The following FGF14 variants were observed in gnomAD, a reference collection of about 807,000 sequenced individuals.
FGF14 encodes fibroblast growth factor homologous factor 4.
Under a neutral mutation model 25.5 loss-of-function variants are expected in FGF14, and 5 were observed. That is an observed-to-expected ratio of 0.20 (90% confidence interval 0.10 to 0.41). FGF14 has a LOEUF of 0.41. Among genes scored for constraint, FGF14 ranks in the 10% least tolerant of loss-of-function variants. FGF14 has a pLI of 1.00. For synonymous variants in FGF14, 138 were observed against 118.3 expected, an observed-to-expected ratio of 1.17 and a Z score of -1.08; for missense variants, 222 against 320.1, an observed-to-expected ratio of 0.69 and a Z score of 2.34.
intron 3 of FGF14, among the ~76,000 whole-genome samples, chr13:101,777,396 A>T (rs2039193433): frequency 6.6e-6 from 1 of 152,122 alleles, no homozygotes; most frequent in African/African-American, 2.4e-5. Flanking sequence ...GCCTTTGTTG[A>T]GCAGTCTTGG....
At chr13:102,010,499 G>C (rs1234166877) in intron 1 of FGF14, among the ~76,000 whole-genome samples, 1 of 152,016 alleles carries the variant, frequency 6.6e-6, no homozygotes, top group East Asian at 1.9e-4. Flanking sequence ...AGAAAAAAAA[G>C]AAAGTGTTTA....
At chr13:102,349,514 G>A (rs979169595) in intron 1 of FGF14, among the ~76,000 whole-genome samples, 44 of 152,292 alleles carry the variant, frequency 2.9e-4, no homozygotes, top group African/African-American at 1.0e-3. Flanking sequence ...TGATTTGAAC[G>A]TGTTGAACAA....
intron 1 of FGF14, among the ~76,000 whole-genome samples, chr13:102,338,731 G>A (rs187369548): frequency 1.3e-3 from 195 of 152,146 alleles, no homozygotes; most frequent in Middle Eastern, 3.4e-3. Context: ...AATAAGAAAA[G>A]GGCCAGGTGC....
At chr13:102,354,935 T>A (rs1255110674) in intron 1 of FGF14, among the ~76,000 whole-genome samples, 2 of 152,058 alleles carry the variant, frequency 1.3e-5, no homozygotes, top group Admixed American at 6.6e-5. Flanking sequence ...TTCCTTGACC[T>A]CCCCTCACAT....
intron 1 of FGF14, among the ~76,000 whole-genome samples, chr13:102,006,542 G>T (rs1435513728): frequency 6.6e-6 from 1 of 151,866 alleles, no homozygotes; most frequent in Non-Finnish European, 1.5e-5. Context: ...AAGTTTTGTA[G>T]AAACTCCTGA....
intron 3 of FGF14, among the ~76,000 whole-genome samples, chr13:101,768,257 T>C (rs936826665): frequency 6.6e-6 from 1 of 152,106 alleles, no homozygotes; most frequent in Non-Finnish European, 1.5e-5. Context: ...GTACATTTAC[T>C]AACAAAACAT....
At chr13:102,384,568 T>C (rs1022046985) in intron 1 of FGF14, among the ~76,000 whole-genome samples, 4 of 152,204 alleles carry the variant, frequency 2.6e-5, no homozygotes, top group Non-Finnish European at 5.9e-5. Context: ...CAGAATTTTA[T>C]GCCCTGCAGG....
chr13:102,079,341 A>T (rs2043508736), intron 1 of FGF14, among the ~76,000 whole-genome samples: 1 of 152,200 alleles, frequency 6.6e-6, no homozygotes, highest in Non-Finnish European at 1.5e-5. Context: ...AAATCATGGA[A>T]AAAGAGAGTT....
In FGF14 at chr13:101,910,837, C is replaced by CGTGTGTGTGTGT. The variant is rs59758881; in HGVS notation, c.193+5604_193+5615dup. On this transcript the variant is annotated intron_variant, in intron 1 of 4. Transcript: ENST00000376143. ...AAATGGTCTCTTAGAGATTTGGATTCGTGTGTGTGTGTGTGTGTGTGTGTG... is the reference window on the plus strand; with the variant it reads ...AAATGGTCTCTTAGAGATTTGGATTCGTGTGTGTGTGTGTGTGTGTGTGTGTGTGTGTGTGTG... Among the ~76,000 whole-genome samples the CGTGTGTGTGTGT allele has an allele frequency of 7.7e-4, 100 of 129,322 alleles. 1 individual carries two copies. Among genetic ancestry groups the CGTGTGTGTGTGT allele is most frequent in the South Asian group, 1.4e-3 (5 of 3,464 alleles). 84.8% of individuals were successfully genotyped at this position (129,322 alleles called of 152,430 possible).
intron 1 of FGF14, among the ~76,000 whole-genome samples, chr13:102,030,341 C>T (rs1431840102): frequency 2.6e-5 from 4 of 151,996 alleles, no homozygotes; most frequent in African/African-American, 9.7e-5. Context: ...CACATGCCTT[C>T]AAAGATGAGG....
intron 1 of FGF14, among the ~76,000 whole-genome samples, chr13:101,906,159 C>T (rs377104362): frequency 2.6e-5 from 4 of 152,142 alleles, no homozygotes; most frequent in Admixed American, 1.3e-4. Context: ...AGAAGCAAGA[C>T]AGCAAATGCA....
At chr13:102,283,876 T>A (rs75884941) in intron 1 of FGF14, among the ~76,000 whole-genome samples, 1 of 152,198 alleles carries the variant, frequency 6.6e-6, no homozygotes, top group African/African-American at 2.4e-5. Context: ...TCTCATTTCC[T>A]CTGTAAAATG....
At chr13:102,231,825 A>G (rs1317561116) in intron 1 of FGF14, among the ~76,000 whole-genome samples, 1 of 152,116 alleles carries the variant, frequency 6.6e-6, no homozygotes, top group Non-Finnish European at 1.5e-5. Context: ...CTGTTTCTCC[A>G]CCTGCAAGAT....
chr13:102,371,787 G>A (rs1199440332), intron 1 of FGF14, among the ~76,000 whole-genome samples: 2 of 152,206 alleles, frequency 1.3e-5, no homozygotes, highest in South Asian at 4.1e-4. Context: ...AGTGTGTTAT[G>A]GAGTAATTAG....
intron 1 of FGF14, among the ~76,000 whole-genome samples, chr13:102,359,301 G>A (rs2057502474): frequency 1.3e-5 from 2 of 152,140 alleles, no homozygotes; most frequent in African/African-American, 4.8e-5. Flanking sequence ...TGCACATCCT[G>A]CACATGTATC....
chr13:102,116,122 C>T (rs563815121), intron 1 of FGF14, among the ~76,000 whole-genome samples: 1,879 of 152,100 alleles, frequency 0.012, 40 homozygotes, highest in African/African-American at 0.043. Flanking sequence ...AATAAACAAA[C>T]AAACAAACAA....
Position 101,968,673 on chromosome 13 carries a change from CA to C in FGF14, c.209-93378del, listed in dbSNP as rs11410391. Reference sequence around the variant, plus strand: ...GGGCGACAGAGCGAGACTCCGTCTCCAAAAAAAAAAAAAAAAACCTCAATAT... The same window carrying C: ...GGGCGACAGAGCGAGACTCCGTCTCCAAAAAAAAAAAAAAAACCTCAATAT... On this transcript the variant is annotated intron_variant, in intron 1 of 4. Transcript: ENST00000376131. Among the ~76,000 whole-genome samples the C allele has an allele frequency of 9.3e-3, 737 of 79,034 alleles. 2 individuals are homozygous for C. Among genetic ancestry groups the C allele is most frequent in the African/African-American group, 0.028 (627 of 22,792 alleles). The allele number at this position is 79,034 out of a possible 152,430, so 51.8% of individuals were successfully genotyped here.
At chr13:101,973,210 T>C (rs982214470) in intron 1 of FGF14, among the ~76,000 whole-genome samples, 14 of 150,938 alleles carry the variant, frequency 9.3e-5, no homozygotes, top group Non-Finnish European at 1.5e-4. Context: ...TGGAACTGAG[T>C]AGTACACAGG....
chr13:101,960,879 G>A (rs1379907347), intron 1 of FGF14, among the ~76,000 whole-genome samples: 3 of 152,032 alleles, frequency 2.0e-5, no homozygotes, highest in Non-Finnish European at 2.9e-5. Context: ...TTTAATAATC[G>A]TCATTCTGAC....
Sources: allele counts gnomAD v4.1 joint callset (sites outside exome capture counted in the v4.1 genomes callset), GRCh38; gene constraint gnomAD v4.1.1; transcripts MANE v1.5; gene names NCBI Gene and HGNC (gene_info 2026-07-23, HGNC 2026-07-21).